CALCR: variants seen among roughly 807,000 people sequenced by gnomAD.
CALCR encodes calcitonin receptor.
A neutral mutation model predicts 59.5 loss-of-function variants in CALCR; 47 were observed. The ratio of observed to expected loss-of-function variants is 0.79; its 90% CI spans 0.63 to 1.01. The LOEUF (loss-of-function observed/expected upper bound fraction) is 1.01. CALCR is among the 50% of genes least tolerant of loss of function. The pLI, the probability that CALCR is intolerant of heterozygous loss-of-function variation, is 0.00. For synonymous variants in CALCR, 213 were observed against 211.3 expected (o/e 1.01, Z -0.07); for missense variants, 566 against 597.1 (o/e 0.95, Z 0.54).
chr7:93,478,622 G>A (rs1296765570), intron 4 of CALCR, among the ~76,000 whole-genome samples: 1 of 121,758 alleles, frequency 8.2e-6, no homozygotes, highest in African/African-American at 3.2e-5. Flanking sequence ...GCGAGAGAGT[G>A]AGACCCTGTC....
chr7:93,455,169 C>G (rs1584548665), intron 8 of CALCR, among the ~76,000 whole-genome samples: 1 of 151,862 alleles, frequency 6.6e-6, no homozygotes. Flanking sequence ...AAAACCCACC[C>G]CTCTGTCTGT....
intron 3 of CALCR, 115 bp from the exon 4 acceptor site, chr7:93,479,622 T>A: frequency 2.2e-6 from 2 of 910,072 alleles, no homozygotes; most frequent in Non-Finnish European, 3.4e-6. Context: ...GCAATACTTA[T>A]TCATGGTCTC....
chr7:93,515,987 A>T (rs1465464113), intron 2 of CALCR, among the ~76,000 whole-genome samples: 1 of 149,818 alleles, frequency 6.7e-6, no homozygotes, highest in Non-Finnish European at 1.5e-5. Flanking sequence ...AATATAAGAA[A>T]GCATTGAGTC....
rs147492657 is a variant in CALCR, at chr7:93,511,026, G to A, written c.-26-24019C>T. Among the ~76,000 whole-genome samples, 158 of 152,144 alleles carry A rather than the reference G, an allele frequency of 1.0e-3. 1 individual carries two copies. The highest frequency in any genetic ancestry group is 1.8e-4 in the Non-Finnish European group (12 of 68,004). On this transcript the variant is annotated intron_variant, in intron 2 of 13. Coordinates refer to ENST00000426151, the MANE Select transcript of CALCR (RefSeq NM_001742.4). Reference sequence around the variant, plus strand: ...TTCATAGAGAAGGTGACCTTGAATTGAGAGCGGAAAGAGAAGTGTAAAAAC... The same window carrying A: ...TTCATAGAGAAGGTGACCTTGAATTAAGAGCGGAAAGAGAAGTGTAAAAAC...
intron 2 of CALCR, among the ~76,000 whole-genome samples, chr7:93,572,129 C>T (rs75660151): frequency 0.019 from 2,875 of 152,126 alleles, 99 homozygotes; most frequent in African/African-American, 0.066. Context: ...GAAGCTGTTA[C>T]GGTCTAAATA....
intron 2 of CALCR, among the ~76,000 whole-genome samples, chr7:93,569,168 T>C (rs1027435714): frequency 2.7e-4 from 41 of 152,190 alleles, no homozygotes; most frequent in African/African-American, 9.2e-4. Context: ...AGTTAATCTG[T>C]ATCCATCCTT....
chr7:93,504,506 C>A (rs1801385115), intron 2 of CALCR, among the ~76,000 whole-genome samples: 1 of 152,074 alleles, frequency 6.6e-6, no homozygotes, highest in Non-Finnish European at 1.5e-5. Context: ...TTTCTTTCTC[C>A]CACCGTATGT....
At chr7:93,532,372 C>T (rs1278543281) in intron 2 of CALCR, among the ~76,000 whole-genome samples, 1 of 152,046 alleles carries the variant, frequency 6.6e-6, no homozygotes, top group Non-Finnish European at 1.5e-5. Flanking sequence ...TCTTCTGTCA[C>T]TACTTTATAA....
chr7:93,461,088 C>T, intron 7 of CALCR, 141 bp from the exon 8 acceptor site: 1 of 656,850 alleles, frequency 1.5e-6, no homozygotes, highest in East Asian at 3.3e-5. Context: ...CTGGTCTCCT[C>T]TTTCAGATTT....
At chr7:93,458,271 C>A (rs1800248411) in intron 8 of CALCR, among the ~76,000 whole-genome samples, 1 of 152,092 alleles carries the variant, frequency 6.6e-6, no homozygotes. Context: ...CCACGCCACG[C>A]CACTGTCACA....
Position 93,472,506 on chromosome 7 carries a change from A to C in CALCR, c.317-19T>G. The C allele has an allele frequency of 1.5e-6, 2 of 1,336,214 alleles. No individual in the cohort carries two copies. The highest frequency in any genetic ancestry group is 2.4e-5 in the South Asian group (2 of 82,836). The allele number at this position is 1,336,214 out of a possible 1,614,324, so 82.8% of individuals were successfully genotyped here. On this transcript the variant is annotated intron_variant, in intron 5 of 13. Transcript: ENST00000426151. Reference sequence around the variant, plus strand: ...ACCTTTTCTGTTAATGAAACATAACAGTTATTGCATTAATATCTCAAAATC... The same window carrying C: ...ACCTTTTCTGTTAATGAAACATAACCGTTATTGCATTAATATCTCAAAATC...
At chr7:93,490,915 T>A (rs1178178355) in intron 2 of CALCR, among the ~76,000 whole-genome samples, 2 of 151,894 alleles carry the variant, frequency 1.3e-5, no homozygotes, top group Non-Finnish European at 2.9e-5. Context: ...ACTTTAAATT[T>A]CGTATGGGAT....
intron 2 of CALCR, among the ~76,000 whole-genome samples, chr7:93,531,931 C>G (rs1203815894): frequency 6.6e-6 from 1 of 151,530 alleles, no homozygotes; most frequent in Non-Finnish European, 1.5e-5. Context: ...AGTACATATA[C>G]CAGATAAATA....
chr7:93,539,735 T>G (rs1311852846), intron 2 of CALCR, among the ~76,000 whole-genome samples: 1 of 152,110 alleles, frequency 6.6e-6, no homozygotes, highest in Admixed American at 6.6e-5. Context: ...AGGCAGAGCA[T>G]TCTATGGCAA....
chr7:93,471,325 G>A (rs890829974), intron 6 of CALCR, among the ~76,000 whole-genome samples: 1 of 151,806 alleles, frequency 6.6e-6, no homozygotes, highest in Non-Finnish European at 1.5e-5. Context: ...CCATTAGGGT[G>A]TAGACATGCA....
At chr7:93,490,202 G>A (rs541203677) in intron 2 of CALCR, among the ~76,000 whole-genome samples, 1 of 151,678 alleles carries the variant, frequency 6.6e-6, no homozygotes. Context: ...TTGATAAAAG[G>A]CAACATCCCT....
At chr7:93,569,935 GACACACACACACAC>G (rs3068441) in intron 2 of CALCR, among the ~76,000 whole-genome samples, 17 of 144,018 alleles carry the variant, frequency 1.2e-4, no homozygotes, top group African/African-American at 4.1e-4. Context: ...GATGTAAAGG[GACACACACACACAC>G]ACACACACAC....
chr7:93,443,668 T>G lies in CALCR; in HGVS notation c.738A>C (p.Thr246=). ...WMLCEGIYLH[T]LIVVAVFTEK... ...CAGTAAACACAGCCACGACAATGAG[T>G]GTATGAAGATAGATCCCTTCACAGA... The change falls in exon 9 of 14, where the codon ACA becomes ACC. Residue 246 remains threonine, a synonymous_variant. Transcript: ENST00000426151. The G allele has an allele frequency of 6.2e-7, 1 of 1,612,948 alleles. No individual in the cohort carries two copies. Among genetic ancestry groups the G allele is most frequent in the Non-Finnish European group, 8.5e-7 (1 of 1,179,358 alleles).
chr7:93,441,959 C>A (rs1250993797), intron 9 of CALCR, among the ~76,000 whole-genome samples: 1 of 152,104 alleles, frequency 6.6e-6, no homozygotes, highest in Non-Finnish European at 1.5e-5. Flanking sequence ...AGAATTGGAA[C>A]TTAAAGATGG....
Sources: gnomAD v4.1 joint callset for allele counts (sites outside exome capture counted in the v4.1 genomes callset) on GRCh38, gnomAD v4.1.1 for gene constraint, MANE v1.5 for transcripts, NCBI Gene and HGNC (gene_info 2026-07-23, HGNC 2026-07-21) for gene names.